Variants in LYPD1 observed in about 807,000 individuals in gnomAD.
The protein encoded by LYPD1 is LY6/PLAUR domain containing 1, also known as ly6/PLAUR domain-containing protein 1.
LYPD1 carries 14 observed loss-of-function variants against 14.2 expected under a neutral mutation model. The observed-to-expected ratio is 0.99, with a 90% CI of 0.65 to 1.54. The LOEUF (loss-of-function observed/expected upper bound fraction) is 1.54. Among genes scored for constraint, LYPD1 ranks in the 40% most tolerant of loss-of-function variants. The probability of loss-of-function intolerance (pLI) is 0.00; values close to 1 mark genes in which losing one functional copy is unlikely to be tolerated. For missense variants in LYPD1, 165 were observed against 175.7 expected, an observed-to-expected ratio of 0.94 and a Z score of 0.34; for synonymous variants, 85 against 70.6, an observed-to-expected ratio of 1.20 and a Z score of -1.02.
Position 132,653,117 on chromosome 2 carries a change from G to A in LYPD1, c.191-6837C>T, listed in dbSNP as rs567600101. Among the ~76,000 whole-genome samples the A allele has an allele frequency of 2.0e-5, 3 of 152,222 alleles. No homozygotes were observed. In the South Asian group the frequency reaches 6.2e-4, roughly 32 times the overall value. On this transcript the variant is annotated intron_variant, in intron 2 of 2. Coordinates refer to ENST00000397463, the MANE Select transcript of LYPD1 (RefSeq NM_144586.7). ...TCCTCATGTACTTAATGGGATGGAG[G>A]AAACTAAAGAAGCTCATGTCCATAT...
rs763077077 is a variant in LYPD1, at chr2:132,646,033, T to C, written c.*12A>G. Reference sequence around the variant, plus strand: ...AAGAACAATGCAGGAGGGGGTGGCATCTCCTTCAGCTTCAGCAGTGTGCCG... The same window carrying C: ...AAGAACAATGCAGGAGGGGGTGGCACCTCCTTCAGCTTCAGCAGTGTGCCG... On this transcript the variant is annotated 3_prime_UTR_variant, in exon 3 of 3. Transcript: ENST00000397463. The C allele has an allele frequency of 1.3e-6, 2 of 1,520,036 alleles. No individual in the cohort carries two copies. Among genetic ancestry groups the C allele is most frequent in the South Asian group, 1.3e-5 (1 of 77,162 alleles). 94.2% of individuals were successfully genotyped at this position (1,520,036 alleles called of 1,614,324 possible).
chr2:132,651,671 A>AT (rs1438296195), intron 2 of LYPD1, among the ~76,000 whole-genome samples: 1 of 152,244 alleles, frequency 6.6e-6, no homozygotes, highest in African/African-American at 2.4e-5. Flanking sequence ...ACAGAGCTCT[A>AT]TTCTGATCTG....
chr2:132,668,354 C>A (rs1683404804), intron 2 of LYPD1, 46 bp downstream of exon 2: 1 of 1,553,942 alleles, frequency 6.4e-7, no homozygotes, highest in South Asian at 1.2e-5. Context: ...ACTCCCACCC[C>A]ACAGCCCAGG....
At chr2:132,647,094 A>C (rs1041814454) in intron 2 of LYPD1, among the ~76,000 whole-genome samples, 2 of 152,174 alleles carry the variant, frequency 1.3e-5, no homozygotes, top group Non-Finnish European at 2.9e-5. Flanking sequence ...ATACTAGCTA[A>C]ACTTTTATTT....
upstream of LYPD1, chr2:132,670,317 G>C (rs1229750163): frequency 7.2e-6 from 2 of 277,676 alleles, no homozygotes; most frequent in African/African-American, 2.3e-5. The surrounding 1 kb of genome is among the most constrained non-coding windows in gnomAD (Gnocchi z 4.5). Context: ...GGCGGGGAAG[G>C]CTGGGACGGT....
chr2:132,668,967 G>A (rs915172188), intron 1 of LYPD1, among the ~76,000 whole-genome samples: 1 of 152,238 alleles, frequency 6.6e-6, no homozygotes, highest in African/African-American at 2.4e-5. Flanking sequence ...GATTACATTC[G>A]CAGACGTCTT....
In LYPD1 at chr2:132,645,204, G is replaced by A. The variant is rs1420223393; in HGVS notation, c.*841C>T. ...ACGACTGGACGAGGTCCTACTTCCG[G>A]GCGTACATGATCCTCCTCCCCTTCT... On this transcript the variant is annotated 3_prime_UTR_variant, in exon 3 of 3. Coordinates refer to ENST00000397463, the MANE Select transcript of LYPD1 (RefSeq NM_144586.7). 1 of 1,614,114 alleles carries A rather than the reference G, an allele frequency of 6.2e-7. No homozygotes were observed.
intron 2 of LYPD1, among the ~76,000 whole-genome samples, chr2:132,666,437 G>A (rs1683277515): frequency 6.6e-6 from 1 of 152,218 alleles, no homozygotes; most frequent in South Asian, 2.1e-4. Flanking sequence ...TTTCCTTTGA[G>A]TTCATCGACT....
At chr2:132,657,171 A>G (rs1486924076) in intron 2 of LYPD1, among the ~76,000 whole-genome samples, 3 of 152,174 alleles carry the variant, frequency 2.0e-5, no homozygotes, top group Non-Finnish European at 4.4e-5. Context: ...CAAGCAAACA[A>G]CCAACCCATA....
intron 2 of LYPD1, among the ~76,000 whole-genome samples, chr2:132,655,258 C>T (rs1435002271): frequency 6.6e-6 from 1 of 152,104 alleles, no homozygotes; most frequent in African/African-American, 2.4e-5. Context: ...TTGGAGATGC[C>T]AATTTGAAAG....
rs147197356 is a variant in LYPD1 at position 132,649,977 on chromosome 2, A to G, written c.191-3697T>C. Among the ~76,000 whole-genome samples, 740 of 152,304 alleles carry G rather than the reference A, an allele frequency of 4.9e-3. 1 individual carries two copies. Among genetic ancestry groups the G allele is most frequent in the Non-Finnish European group, 7.0e-3 (478 of 68,028 alleles). On this transcript the variant is annotated intron_variant, in intron 2 of 2. Coordinates refer to ENST00000397463, the MANE Select transcript of LYPD1 (RefSeq NM_144586.7). The stretch of plus-strand genomic sequence containing the variant: ...GAAAAATTAGACTACACACACACCC[A>G]CAAACTCTGCCTAATAAAATCCCTA...
chr2:132,648,757 G>A (rs1023050183), intron 2 of LYPD1, among the ~76,000 whole-genome samples: 6 of 152,172 alleles, frequency 3.9e-5, no homozygotes, highest in Admixed American at 2.6e-4. Flanking sequence ...GGAACTGAGG[G>A]CACCACAATG....
At chr2:132,650,651 A>G (rs746685750) in intron 2 of LYPD1, among the ~76,000 whole-genome samples, 22 of 152,116 alleles carry the variant, frequency 1.4e-4, no homozygotes, top group Non-Finnish European at 1.5e-4. Flanking sequence ...AGTTAAAAAC[A>G]AAGCAAAGTA....
intron 2 of LYPD1, among the ~76,000 whole-genome samples, chr2:132,664,260 G>A (rs550878263): frequency 6.6e-6 from 1 of 152,272 alleles, no homozygotes; most frequent in Admixed American, 6.5e-5. Context: ...ATAGACTTAA[G>A]AAAACACAGG....
At chr2:132,653,166 C>A (rs1298695398) in intron 2 of LYPD1, among the ~76,000 whole-genome samples, 1 of 152,180 alleles carries the variant, frequency 6.6e-6, no homozygotes, top group Non-Finnish European at 1.5e-5. Flanking sequence ...TGAAATAATT[C>A]CTTACCCTGA....
At chr2:132,660,481 G>GA (rs576122957) in intron 2 of LYPD1, 17 of 152,326 alleles carry the variant, frequency 1.1e-4, no homozygotes, top group Non-Finnish European at 2.2e-4. Flanking sequence ...TCTGGCCTGT[G>GA]AAAAGAGTTT....
intron 2 of LYPD1, chr2:132,646,516 A>ATACC (rs977937850): frequency 1.0e-5 from 4 of 385,684 alleles, no homozygotes; most frequent in African/African-American, 8.3e-5. Context: ...TGAGATGCCA[A>ATACC]TACCTGTGAA....
intron 2 of LYPD1, among the ~76,000 whole-genome samples, chr2:132,667,526 T>C (rs562475693): frequency 6.6e-6 from 1 of 152,290 alleles, no homozygotes; most frequent in East Asian, 1.9e-4. Flanking sequence ...CTAAAGGAAG[T>C]GGGGGCTTTG....
Position 132,668,304 on chromosome 2 carries a change from T to G in LYPD1, c.190+96A>C, listed in dbSNP as rs1479899647. On this transcript the variant is annotated intron_variant, in intron 2 of 2. Coordinates refer to ENST00000397463, the MANE Select transcript of LYPD1 (RefSeq NM_144586.7). Reference sequence around the variant, plus strand: ...CGATAACCAGTGTGTGGGCATTAAATCAAAGTCAGTCCTTTTTCCTGCTAT... The same window carrying G: ...CGATAACCAGTGTGTGGGCATTAAAGCAAAGTCAGTCCTTTTTCCTGCTAT... 3 of 1,440,748 alleles carry G rather than the reference T, an allele frequency of 2.1e-6. No homozygotes were observed. In the Admixed American group the frequency reaches 7.4e-5, roughly 36 times the overall value. The allele number at this position is 1,440,748 out of a possible 1,614,324, so 89.2% of individuals were successfully genotyped here.
Sources: allele counts gnomAD v4.1 joint callset (sites outside exome capture counted in the v4.1 genomes callset), GRCh38; gene constraint gnomAD v4.1.1; non-coding constraint Gnocchi (gnomAD v3.1); transcripts MANE v1.5; gene names NCBI Gene and HGNC (gene_info 2026-07-23, HGNC 2026-07-21).